Variants in KLF17 observed in about 807,000 individuals in gnomAD.
KLF17 encodes the protein Krueppel-like factor 17.
A neutral mutation model predicts 34.2 loss-of-function variants in KLF17; 31 were observed. The ratio of observed to expected loss-of-function variants is 0.91; its 90% confidence interval spans 0.68 to 1.22. KLF17 has a LOEUF of 1.22. Among genes scored for constraint, KLF17 ranks in the 50% most tolerant of loss-of-function variants. KLF17 has a pLI of 0.00. For synonymous variants in KLF17, 179 were observed against 186.7 expected (o/e 0.96, Z 0.34); for missense variants, 478 against 505.2 (o/e 0.95, Z 0.52).
At chr1:44,098,123 C>T in the KLF17 span, among the ~76,000 whole-genome samples, 3 of 152,070 alleles carry the variant, frequency 2.0e-5, no homozygotes, top group South Asian at 6.2e-4. Context: ...GTATGTGCCA[C>T]CATGCCTAAC....
the KLF17 span, among the ~76,000 whole-genome samples, chr1:44,084,502 A>T: frequency 0.021 from 3,164 of 151,852 alleles, 107 homozygotes; most frequent in African/African-American, 0.072. Flanking sequence ...CAAAATTTTT[A>T]AATTTAAAAA....
intron 1 of KLF17, among the ~76,000 whole-genome samples, chr1:44,123,924 T>A (rs1183457133): frequency 1.3e-5 from 2 of 152,126 alleles, no homozygotes; most frequent in Non-Finnish European, 2.9e-5. Flanking sequence ...CCTTTTTTTT[T>A]TTATTTTTTT....
At chr1:44,103,506 G>A in the KLF17 span, 2 of 1,101,368 alleles carry the variant, frequency 1.8e-6, no homozygotes, top group Non-Finnish European at 2.8e-6. Context: ...CGAGCTCAGC[G>A]CACCTGCATA....
chr1:44,081,788 T>C, the KLF17 span, among the ~76,000 whole-genome samples: 1 of 152,194 alleles, frequency 6.6e-6, no homozygotes, highest in Non-Finnish European at 1.5e-5. Context: ...TGTTTCAGGC[T>C]CCTAGAGATT....
chr1:44,097,054 A>G, the KLF17 span, among the ~76,000 whole-genome samples: 1 of 152,184 alleles, frequency 6.6e-6, no homozygotes, highest in African/African-American at 2.4e-5. Flanking sequence ...ATGGCTAGCC[A>G]GTTTTCTTAA....
the KLF17 span, among the ~76,000 whole-genome samples, chr1:44,095,347 C>G: frequency 6.6e-6 from 1 of 151,734 alleles, no homozygotes; most frequent in South Asian, 2.1e-4. Context: ...TACCGAGTAG[C>G]TGGGATTACA....
the KLF17 span, among the ~76,000 whole-genome samples, chr1:44,059,711 C>G: frequency 0.024 from 3,710 of 152,146 alleles, 176 homozygotes; most frequent in African/African-American, 0.086. Flanking sequence ...ATCTATATCT[C>G]CAATGCACTA....
chr1:44,122,099 T>A, intron 1 of KLF17: 2 of 1,125,354 alleles, frequency 1.8e-6, no homozygotes, highest in Non-Finnish European at 2.7e-6. Context: ...ACACAACCTG[T>A]ACAAAAAATA....
At chr1:44,085,225 C>T in the KLF17 span, among the ~76,000 whole-genome samples, 1 of 151,892 alleles carries the variant, frequency 6.6e-6, no homozygotes, top group Admixed American at 6.6e-5. Context: ...AGCTTATGTT[C>T]TAAAGGGGAA....
chr1:44,105,806 A>G, the KLF17 span, among the ~76,000 whole-genome samples: 2 of 152,074 alleles, frequency 1.3e-5, no homozygotes, highest in African/African-American at 2.4e-5. Context: ...CTCCCTGGTG[A>G]GGTCCTTGCT....
chr1:44,052,643 C>T, the KLF17 span, among the ~76,000 whole-genome samples: 2 of 152,172 alleles, frequency 1.3e-5, no homozygotes, highest in Non-Finnish European at 2.9e-5. Context: ...TATATTTACA[C>T]CTTCTTTGTA....
At chr1:44,110,620 G>C in the KLF17 span, 4 of 152,112 alleles carry the variant, frequency 2.6e-5, no homozygotes, top group Non-Finnish European at 5.9e-5. Context: ...CTTGAACCCT[G>C]GAGGTGGAGG....
At chr1:44,118,043 C>A (rs913414264), upstream of KLF17, among the ~76,000 whole-genome samples, 6 of 152,164 alleles carry the variant, frequency 3.9e-5, no homozygotes, top group African/African-American at 1.4e-4. Context: ...CTTCAATTTC[C>A]TTCTAGCACC....
the KLF17 span, among the ~76,000 whole-genome samples, chr1:44,077,307 T>A: frequency 6.6e-6 from 1 of 151,798 alleles, no homozygotes; most frequent in Non-Finnish European, 1.5e-5. Context: ...ATTGTGCCAC[T>A]GCACTCCAGC....
chr1:44,135,019 G>A lies in KLF17; in HGVS notation c.*1782G>A, dbSNP rs571057017. On this transcript the variant is annotated 3_prime_UTR_variant, in exon 4 of 4. Coordinates refer to ENST00000372299, the MANE Select transcript of KLF17 (RefSeq NM_173484.4). ...ATAATAAATGCACTCATGTTAGGAAGGTCAAAAAAAAGGAAAAAAGAAAAA... is the reference window on the plus strand; with the variant it reads ...ATAATAAATGCACTCATGTTAGGAAAGTCAAAAAAAAGGAAAAAAGAAAAA... 2 of 150,686 alleles carry A rather than the reference G, an allele frequency of 1.3e-5. No individual in the cohort carries two copies. The highest frequency in any genetic ancestry group is 4.9e-5 in the African/African-American group (2 of 41,018). 9.3% of individuals were successfully genotyped at this position (150,686 alleles called of 1,614,324 possible). A position where few individuals can be genotyped will look rare whatever the true frequency, so the allele number is the denominator to read the frequency against.
chr1:44,057,961 G>T, the KLF17 span, among the ~76,000 whole-genome samples: 1 of 152,178 alleles, frequency 6.6e-6, no homozygotes, highest in African/African-American at 2.4e-5. Flanking sequence ...TGAAATATTT[G>T]CTAGTATTTA....
At chr1:44,044,318 C>T in the KLF17 span, among the ~76,000 whole-genome samples, 4 of 152,188 alleles carry the variant, frequency 2.6e-5, no homozygotes, top group Non-Finnish European at 5.9e-5. Context: ...TTTTCGATAA[C>T]ACAGGGTCCA....
chr1:44,103,628 G>A, the KLF17 span: 2 of 1,610,046 alleles, frequency 1.2e-6, no homozygotes, highest in Admixed American at 3.3e-5. Context: ...CGATGTCCAG[G>A]GCCAGCTTGA....
the KLF17 span, among the ~76,000 whole-genome samples, chr1:44,094,683 T>G: frequency 6.6e-6 from 1 of 152,136 alleles, no homozygotes; most frequent in African/African-American, 2.4e-5. Flanking sequence ...GGTTCTCTAT[T>G]CTGTTCCACT....
Sources: gnomAD v4.1 joint callset for allele counts (sites outside exome capture counted in the v4.1 genomes callset) on GRCh38, gnomAD v4.1.1 for gene constraint, MANE v1.5 for transcripts, NCBI Gene and HGNC (gene_info 2026-07-23, HGNC 2026-07-21) for gene names.